SIRT5: variants seen among roughly 807,000 people sequenced by gnomAD.
SIRT5 encodes the protein sirtuin 5.
Under a neutral mutation model 40.0 loss-of-function variants are expected in SIRT5, and 26 were observed. That is an observed-to-expected ratio of 0.65 (90% CI 0.48 to 0.90). SIRT5 has a LOEUF of 0.90. Among genes scored for constraint, SIRT5 ranks in the 40% least tolerant of loss-of-function variants. The probability of loss-of-function intolerance (pLI) is 0.00; values close to 1 mark genes in which losing one functional copy is unlikely to be tolerated. For synonymous variants in SIRT5, 146 were observed against 149.1 expected (o/e 0.98, Z 0.15); for missense variants, 401 against 402.4 (o/e 1.00, Z 0.03).
intron 1 of SIRT5, among the ~76,000 whole-genome samples, chr6:13,577,791 C>A (rs767699253): frequency 4.0e-5 from 6 of 151,026 alleles, no homozygotes; most frequent in African/African-American, 7.3e-5. Context: ...TCTTCCCTTC[C>A]TATTTGGATG....
At chr6:13,585,405 C>A (rs1380853145) in intron 3 of SIRT5, among the ~76,000 whole-genome samples, 4 of 151,972 alleles carry the variant, frequency 2.6e-5, no homozygotes, top group South Asian at 2.1e-4. Context: ...CCACCACCCC[C>A]CGACAGGCCC....
chr6:13,592,662 C>T (rs772183951), intron 5 of SIRT5, among the ~76,000 whole-genome samples: 1 of 152,214 alleles, frequency 6.6e-6, no homozygotes, highest in Non-Finnish European at 1.5e-5. Flanking sequence ...CCTATGATGT[C>T]GGTGGAGTTT....
At chr6:13,595,023 C>G (rs1761388885) in intron 5 of SIRT5, among the ~76,000 whole-genome samples, 1 of 152,200 alleles carries the variant, frequency 6.6e-6, no homozygotes, top group Non-Finnish European at 1.5e-5. Context: ...AGGTTGAGCT[C>G]CCTCTACCCT....
chr6:13,610,623 A>G (rs1300429810), intron 9 of SIRT5, among the ~76,000 whole-genome samples: 1 of 152,138 alleles, frequency 6.6e-6, no homozygotes, highest in African/African-American at 2.4e-5. Flanking sequence ...GGGGCACTTG[A>G]AATCACTTAA....
intron 5 of SIRT5, among the ~76,000 whole-genome samples, chr6:13,593,062 T>C (rs1242950648): frequency 6.6e-6 from 1 of 151,956 alleles, no homozygotes; most frequent in Non-Finnish European, 1.5e-5. Context: ...TACAGGCACA[T>C]GCCACCATGC....
chr6:13,592,255 G>C (rs1761014819), intron 5 of SIRT5, among the ~76,000 whole-genome samples: 1 of 152,192 alleles, frequency 6.6e-6, no homozygotes, highest in African/African-American at 2.4e-5. Flanking sequence ...CATGAGCCCA[G>C]GTGGCTGGCG....
At chr6:13,598,377 G>C (rs1047949861) in intron 7 of SIRT5, among the ~76,000 whole-genome samples, 1 of 152,132 alleles carries the variant, frequency 6.6e-6, no homozygotes, top group African/African-American at 2.4e-5. Context: ...GGTCATTGAT[G>C]AAATTAGGGG....
At chr6:13,609,449 A>G (rs1178563621) in intron 9 of SIRT5, among the ~76,000 whole-genome samples, 4 of 152,342 alleles carry the variant, frequency 2.6e-5, no homozygotes, top group Middle Eastern at 3.4e-3. Context: ...GGGCTGTACA[A>G]TGTAAAGGGG....
In SIRT5 at chr6:13,590,265, C is replaced by T. The variant is rs368281024; in HGVS notation, c.250-1404C>T. On this transcript the variant is annotated intron_variant, in intron 4 of 9. Transcript: ENST00000606117. The stretch of plus-strand genomic sequence containing the variant: ...CAAGAAACAGAATGTTTCAGTCATC[C>T]CTGAAAGTTCCCTGTGCCTTTCCCT... 2.8e-4 allele frequency among the ~76,000 whole-genome samples: 43 copies of T among 152,230 alleles called. No homozygotes were observed. In the East Asian group the frequency reaches 8.1e-3, roughly 29 times the overall value.
intron 6 of SIRT5, 124 bp downstream of exon 6, chr6:13,595,688 C>A: frequency 1.2e-6 from 1 of 816,456 alleles, no homozygotes; most frequent in Non-Finnish European, 2.0e-6. Flanking sequence ...AGACTAAATA[C>A]AAGGCTGGGT....
At chr6:13,584,304 C>A in intron 3 of SIRT5, 79 bp downstream of exon 3, 1 of 1,068,814 alleles carries the variant, frequency 9.4e-7, no homozygotes, top group Non-Finnish European at 1.5e-6. Context: ...AGGAATGTCT[C>A]TGTCAAATTA....
At chr6:13,595,680 A>G (rs1761477900) in intron 6 of SIRT5, 116 bp downstream of exon 6, 1 of 867,442 alleles carries the variant, frequency 1.2e-6, no homozygotes, top group Non-Finnish European at 1.9e-6. Flanking sequence ...GAGAAATAAG[A>G]CTAAATACAA....
At chr6:13,586,569 T>C (rs1760109151) in intron 3 of SIRT5, among the ~76,000 whole-genome samples, 1 of 152,234 alleles carries the variant, frequency 6.6e-6, no homozygotes, top group Non-Finnish European at 1.5e-5. Context: ...GTGTTATTTC[T>C]GAGGCCTCTG....
At chr6:13,584,390 C>T (rs569438076) in intron 3 of SIRT5, among the ~76,000 whole-genome samples, 165 bp downstream of exon 3, 86 of 152,116 alleles carry the variant, frequency 5.7e-4, no homozygotes, top group African/African-American at 1.3e-3. Flanking sequence ...CTTGCTCTGT[C>T]GCCAGGCTGG....
chr6:13,609,066 C>T (rs1198811019), intron 9 of SIRT5, among the ~76,000 whole-genome samples: 1 of 152,218 alleles, frequency 6.6e-6, no homozygotes, highest in East Asian at 1.9e-4. Context: ...AAGTGATTTG[C>T]CCACCTCGGT....
At chr6:13,598,372 T>C (rs929567678) in intron 7 of SIRT5, among the ~76,000 whole-genome samples, 1 of 152,006 alleles carries the variant, frequency 6.6e-6, no homozygotes, top group African/African-American at 2.4e-5. Context: ...AAGGAGGTCA[T>C]TGATGAAATT....
intron 1 of SIRT5, among the ~76,000 whole-genome samples, chr6:13,575,545 T>TA (rs1758506604): frequency 6.6e-6 from 1 of 151,644 alleles, no homozygotes; most frequent in Admixed American, 6.6e-5. Flanking sequence ...TATATTTATA[T>TA]AATTATTTTT....
At chr6:13,606,248 G>C (rs1164210655) in intron 9 of SIRT5, among the ~76,000 whole-genome samples, 2 of 152,188 alleles carry the variant, frequency 1.3e-5, no homozygotes. Context: ...GGACCACCTG[G>C]AGCAGAGGCC....
At chr6:13,582,067 A>G (rs1431711928) in intron 2 of SIRT5, among the ~76,000 whole-genome samples, 2 of 152,172 alleles carry the variant, frequency 1.3e-5, no homozygotes, top group Non-Finnish European at 2.9e-5. Context: ...AGTCCATTCC[A>G]GGTTCCTAAC....
Sources: allele counts gnomAD v4.1 joint callset (sites outside exome capture counted in the v4.1 genomes callset), GRCh38; gene constraint gnomAD v4.1.1; transcripts MANE v1.5; gene names NCBI Gene and HGNC (gene_info 2026-07-23, HGNC 2026-07-21).